The following PTPRK variants were observed in gnomAD, a reference collection of about 807,000 sequenced individuals.
The protein encoded by PTPRK is protein tyrosine phosphatase receptor type K, also known as receptor-type tyrosine-protein phosphatase kappa.
A neutral mutation model predicts 178.0 loss-of-function variants in PTPRK; 75 were observed. The observed-to-expected ratio is 0.42, with a 90% CI of 0.35 to 0.51. PTPRK has a LOEUF of 0.51. PTPRK is among the 20% of genes least tolerant of loss of function. The pLI, the probability that PTPRK is intolerant of heterozygous loss-of-function variation, is 0.02. For synonymous variants in PTPRK, 637 were observed against 620.6 expected (o/e 1.03, Z -0.39); for missense variants, 1,441 against 1,797.8 (o/e 0.80, Z 3.59).
chr6:128,042,075 T>A (rs1777275782), intron 13 of PTPRK, among the ~76,000 whole-genome samples: 1 of 152,016 alleles, frequency 6.6e-6, no homozygotes, highest in South Asian at 2.1e-4. Flanking sequence ...CAATATGTCC[T>A]TTATTTTCTT....
At chr6:128,035,266 T>C (rs901915016) in intron 13 of PTPRK, among the ~76,000 whole-genome samples, 13 of 152,188 alleles carry the variant, frequency 8.5e-5, no homozygotes, top group African/African-American at 3.1e-4. Flanking sequence ...CTTGGGAGGC[T>C]GAGGTGGGAG....
intron 3 of PTPRK, among the ~76,000 whole-genome samples, chr6:128,275,023 T>C (rs1453455610): frequency 6.6e-6 from 1 of 152,042 alleles, no homozygotes; most frequent in East Asian, 1.9e-4. Context: ...AAAATAAATC[T>C]GTGCGATTGC....
chr6:128,462,253 C>A (rs562626329), intron 1 of PTPRK, among the ~76,000 whole-genome samples: 35 of 152,216 alleles, frequency 2.3e-4, no homozygotes, highest in Middle Eastern at 3.4e-3. Flanking sequence ...GAGCAGCATT[C>A]TCCAATAAAA....
At chr6:128,402,397 C>G (rs1841140266) in intron 1 of PTPRK, among the ~76,000 whole-genome samples, 1 of 152,036 alleles carries the variant, frequency 6.6e-6, no homozygotes, top group Admixed American at 6.6e-5. Context: ...GTAGCTGGGA[C>G]TCGTGCCACC....
chr6:128,437,880 G>A (rs756074650), intron 1 of PTPRK, among the ~76,000 whole-genome samples: 4 of 152,204 alleles, frequency 2.6e-5, no homozygotes, highest in African/African-American at 4.8e-5. Context: ...TCCCAGAAGG[G>A]CAGGGTTAAC....
intron 7 of PTPRK, among the ~76,000 whole-genome samples, chr6:128,107,322 T>C (rs1789887351): frequency 1.3e-5 from 2 of 152,298 alleles, no homozygotes; most frequent in South Asian, 2.1e-4. Flanking sequence ...CTTTTCCTTT[T>C]CTTCTTTTAC....
In PTPRK at chr6:128,302,391, CAAAAAAAAAA is replaced by C. The variant is rs534525238; in HGVS notation, c.495+19638_495+19647del. ...TGGGCGACAGAGGAAGACTCAATTC[CAAAAAAAAAA>C]AAAAAAAAAAAAAAAAGCCAGGAAA... On this transcript the variant is annotated intron_variant, in intron 3 of 29. Coordinates refer to ENST00000368226, the MANE Select transcript of PTPRK (RefSeq NM_002844.4). Among the ~76,000 whole-genome samples, 25 of 30,952 alleles carry C rather than the reference CAAAAAAAAAA, an allele frequency of 8.1e-4. No individual in the cohort carries two copies. The East Asian group carries it at 0.025, about 30-fold the overall frequency. The allele number at this position is 30,952 out of a possible 152,430, so 20.3% of individuals were successfully genotyped here. A position where few individuals can be genotyped will look rare whatever the true frequency, so the allele number is the denominator to read the frequency against.
chr6:128,253,914 TA>T (rs1170076158), intron 3 of PTPRK, among the ~76,000 whole-genome samples: 1 of 152,174 alleles, frequency 6.6e-6, no homozygotes. Context: ...AGTGAAGAGA[TA>T]AGATAAATGG....
intron 18 of PTPRK, chr6:127,995,195 A>C (rs1401191030): frequency 1.3e-6 from 2 of 1,492,218 alleles, no homozygotes; most frequent in East Asian, 4.8e-5. Flanking sequence ...AACTGTAATT[A>C]AGAATGTTTG....
At chr6:128,200,996 G>T (rs1805841789) in intron 6 of PTPRK, among the ~76,000 whole-genome samples, 1 of 151,614 alleles carries the variant, frequency 6.6e-6, no homozygotes, top group Non-Finnish European at 1.5e-5. Flanking sequence ...GACATTAAAA[G>T]ATCCTACCTT....
intron 7 of PTPRK, among the ~76,000 whole-genome samples, chr6:128,122,757 T>G (rs1792688401): frequency 6.6e-6 from 1 of 152,214 alleles, no homozygotes; most frequent in African/African-American, 2.4e-5. Context: ...ATGTAGAGCA[T>G]GCTTATCAGT....
At chr6:128,128,686 G>T (rs1049298112) in intron 7 of PTPRK, among the ~76,000 whole-genome samples, 1 of 152,144 alleles carries the variant, frequency 6.6e-6, no homozygotes, top group Non-Finnish European at 1.5e-5. Flanking sequence ...CCAGAAGAAA[G>T]AATACAGAAT....
intron 2 of PTPRK, among the ~76,000 whole-genome samples, chr6:128,333,379 CATT>C (rs1332522693): frequency 6.6e-6 from 1 of 152,070 alleles, no homozygotes; most frequent in African/African-American, 2.4e-5. Context: ...TCGGTAGTCA[CATT>C]ATTTCTGAAG....
At chr6:128,412,684 A>C (rs1163034467) in intron 1 of PTPRK, among the ~76,000 whole-genome samples, 1 of 152,212 alleles carries the variant, frequency 6.6e-6, no homozygotes, top group Non-Finnish European at 1.5e-5. Context: ...TTTTGTACAA[A>C]CTATGGCCAA....
chr6:128,085,441 T>A (rs1785598117), intron 8 of PTPRK, among the ~76,000 whole-genome samples: 1 of 152,188 alleles, frequency 6.6e-6, no homozygotes, highest in South Asian at 2.1e-4. Flanking sequence ...TATTTCTTCA[T>A]CCTTACGTAT....
chr6:128,438,042 G>A lies in PTPRK; in HGVS notation c.101-40354C>T, dbSNP rs532655502. On this transcript the variant is annotated intron_variant, in intron 1 of 29. Transcript: ENST00000368226. ...TCCCCATATACGGGTTTCCCATCCCGGGATACTGTAATTTCAATCACCATT... is the reference window on the plus strand; with the variant it reads ...TCCCCATATACGGGTTTCCCATCCCAGGATACTGTAATTTCAATCACCATT... Among the ~76,000 whole-genome samples, 5 of 152,268 alleles carry A rather than the reference G, an allele frequency of 3.3e-5. No individual in the cohort carries two copies. In the South Asian group the frequency reaches 8.3e-4, roughly 25 times the overall value.
At position 128,005,206 on chromosome 6, in the gene PTPRK, G is replaced by C. The variant is rs376245074; in HGVS notation, c.2372C>G (p.Thr791Ser). Reference protein sequence around the residue: ...AKKRKDAMGNTRQEMTHMVNA... With the variant: ...AKKRKDAMGNSRQEMTHMVNA... ...CACCATGTGAGTCATCTCCTGCCGG[G>C]TATTCCCCATGGCATCTTTGCGTTT... Residue 791 changes from threonine to serine, a missense_variant, in exon 15 of 30, where the codon ACC becomes AGC. Physicochemically the swap from Thr to Ser is moderately conservative, Grantham distance 58. This residue lies in a region of PTPRK where 945 missense variants were observed against 1,080.6 expected (regional missense o/e 0.87). Transcript: ENST00000368226. 6.2e-7 allele frequency: 1 copy of C among 1,611,320 alleles called. No individual in the cohort carries two copies. The highest frequency in any genetic ancestry group is 8.5e-7 in the Non-Finnish European group (1 of 1,178,398).
intron 7 of PTPRK, among the ~76,000 whole-genome samples, chr6:128,130,838 T>TAA (rs528534204): frequency 0.052 from 7,932 of 151,564 alleles, 508 homozygotes; most frequent in African/African-American, 0.15. Flanking sequence ...AGTACCGATA[T>TAA]AAAAAAAAAT....
chr6:128,341,270 T>A (rs1831625203), intron 2 of PTPRK, among the ~76,000 whole-genome samples: 1 of 152,168 alleles, frequency 6.6e-6, no homozygotes, highest in Non-Finnish European at 1.5e-5. Flanking sequence ...CTTAAGTATA[T>A]GTATATTAAT....
Sources: gnomAD v4.1 joint callset for allele counts (sites outside exome capture counted in the v4.1 genomes callset) on GRCh38, gnomAD v4.1.1 for gene constraint, gnomAD v4.1.1 regional missense constraint, MANE v1.5 for transcripts, NCBI Gene and HGNC (gene_info 2026-07-23, HGNC 2026-07-21) for gene names.